FAP: variants seen among roughly 807,000 people sequenced by gnomAD.
FAP encodes the protein fibroblast activation protein alpha.
Under a neutral mutation model 126.5 loss-of-function variants are expected in FAP, and 110 were observed. The observed-to-expected ratio is 0.87, with a 90% CI of 0.74 to 1.02. The LOEUF (loss-of-function observed/expected upper bound fraction) is 1.02. Among genes scored for constraint, FAP ranks in the 50% least tolerant of loss-of-function variants. FAP has a pLI of 0.00. For synonymous variants in FAP, 334 were observed against 297.3 expected, an observed-to-expected ratio of 1.12 and a Z score of -1.27; for missense variants, 919 against 909.2, an observed-to-expected ratio of 1.01 and a Z score of -0.14.
chr2:162,176,452 A>G (rs1165559229), intron 21 of FAP: 3 of 152,258 alleles, frequency 2.0e-5, no homozygotes, highest in Non-Finnish European at 2.9e-5. Flanking sequence ...TTTAATAGGG[A>G]AAAAGTATAT....
intron 2 of FAP, among the ~76,000 whole-genome samples, chr2:162,227,785 G>T (rs1689717072): frequency 6.6e-6 from 1 of 152,078 alleles, no homozygotes; most frequent in Non-Finnish European, 1.5e-5. Context: ...CCACTAACAA[G>T]CCAGTCTTTC....
At chr2:162,240,421 G>A (rs919269673) in intron 2 of FAP, among the ~76,000 whole-genome samples, 19 of 151,982 alleles carry the variant, frequency 1.3e-4, no homozygotes, top group African/African-American at 4.4e-4. Context: ...CTTTCCTTTA[G>A]ACGTGATGTG....
intron 17 of FAP, chr2:162,193,675 C>T (rs1392990049): frequency 1.3e-5 from 2 of 152,054 alleles, no homozygotes; most frequent in African/African-American, 4.8e-5. Flanking sequence ...CCTTATTAGA[C>T]ACAAGGTTTC....
intron 17 of FAP, among the ~76,000 whole-genome samples, chr2:162,194,380 G>A (rs531308014): frequency 1.9e-4 from 28 of 150,160 alleles, no homozygotes; most frequent in Admixed American, 1.0e-3. Context: ...AAGGAAGATC[G>A]TACTGAATGT....
chr2:162,174,717 A>C (rs768756223), intron 22 of FAP, 150 bp downstream of exon 22: 1 of 542,420 alleles, frequency 1.8e-6, no homozygotes, highest in Admixed American at 3.2e-5. Flanking sequence ...GTTTATAATA[A>C]ATGATATAAA....
intron 2 of FAP, among the ~76,000 whole-genome samples, chr2:162,229,025 A>C (rs911028693): frequency 6.6e-5 from 10 of 152,146 alleles, no homozygotes; most frequent in African/African-American, 2.4e-4. Flanking sequence ...ATTTTTTTAA[A>C]GAATGTTTTT....
chr2:162,227,845 C>G (rs957104460), intron 2 of FAP, among the ~76,000 whole-genome samples: 1 of 152,136 alleles, frequency 6.6e-6, no homozygotes, highest in African/African-American at 2.4e-5. Context: ...TTTCTAGTCT[C>G]TCTCCTTTAA....
intron 2 of FAP, among the ~76,000 whole-genome samples, chr2:162,241,386 A>G (rs979835070): frequency 6.6e-6 from 1 of 152,212 alleles, no homozygotes; most frequent in Admixed American, 6.5e-5. Context: ...GATCACACAA[A>G]TATCTGTGTA....
intron 21 of FAP, 51 bp from the exon 22 acceptor site, chr2:162,175,017 C>T (rs1369274337): frequency 2.3e-6 from 3 of 1,315,334 alleles, no homozygotes; most frequent in African/African-American, 1.5e-5. Context: ...CATAAGCTTT[C>T]CTCCATATGT....
At chr2:162,236,021 G>A (rs1178682485) in intron 2 of FAP, among the ~76,000 whole-genome samples, 2 of 152,172 alleles carry the variant, frequency 1.3e-5, no homozygotes, top group African/African-American at 4.8e-5. Context: ...TATCATGAAA[G>A]GGTGCTGCAT....
intron 21 of FAP, 102 bp from the exon 22 acceptor site, chr2:162,175,068 G>A: frequency 1.3e-6 from 1 of 765,948 alleles, no homozygotes; most frequent in Non-Finnish European, 2.2e-6. Flanking sequence ...AAGGGAGCTG[G>A]AGAATATGGC....
intron 9 of FAP, among the ~76,000 whole-genome samples, chr2:162,216,960 T>G (rs1317087882): frequency 6.6e-6 from 1 of 152,230 alleles, no homozygotes; most frequent in Non-Finnish European, 1.5e-5. Context: ...GTTCCCCGTC[T>G]CTTCCTGCTC....
intron 11 of FAP, among the ~76,000 whole-genome samples, chr2:162,211,299 C>T (rs1688923855): frequency 6.6e-6 from 1 of 152,146 alleles, no homozygotes; most frequent in Admixed American, 6.5e-5. Flanking sequence ...CAGAGTGCAC[C>T]ATTCCCCAAC....
chr2:162,220,838 G>A (rs1689358139), intron 6 of FAP, among the ~76,000 whole-genome samples: 1 of 152,168 alleles, frequency 6.6e-6, no homozygotes, highest in African/African-American at 2.4e-5. Flanking sequence ...CTTGAAGATT[G>A]TATTAACAGT....
intron 11 of FAP, among the ~76,000 whole-genome samples, chr2:162,213,200 AC>A (rs965976140): frequency 3.0e-4 from 46 of 151,950 alleles, no homozygotes; most frequent in African/African-American, 8.0e-4. Flanking sequence ...ACATGGTGAA[AC>A]CCCGTGTCTA....
intron 14 of FAP, among the ~76,000 whole-genome samples, chr2:162,201,859 C>T (rs543369138): frequency 2.6e-5 from 4 of 152,234 alleles, no homozygotes; most frequent in African/African-American, 7.2e-5. Context: ...TAGGGACCTC[C>T]GCCTTCAGTT....
In FAP at chr2:162,198,855, C is replaced by T; in HGVS notation, c.1304G>A (p.Ser435Asn). ...YRISIGSYPPSKKCVTCHLRK... is the reference protein window; with the variant it reads ...YRISIGSYPPNKKCVTCHLRK... The stretch of plus-strand genomic sequence containing the variant: ...TAGATGGCAAGTAACACACTTCTTG[C>T]TTGGAGGATAGCTTCCAATGCTAAT... The change falls in exon 16 of 26, where the codon AGC (serine) becomes AAC (asparagine). Residue 435 changes from serine to asparagine, a missense_variant. Physicochemically the swap from Ser to Asn is conservative, Grantham distance 46 (BLOSUM62 1). Coordinates refer to ENST00000188790, the MANE Select transcript of FAP (RefSeq NM_004460.5). The T allele has an allele frequency of 1.9e-6, 3 of 1,613,834 alleles. No homozygotes were observed. The highest frequency in any genetic ancestry group is 2.5e-6 in the Non-Finnish European group (3 of 1,179,782).
intron 2 of FAP, among the ~76,000 whole-genome samples, chr2:162,227,645 A>G (rs557340187): frequency 3.9e-5 from 6 of 152,264 alleles, no homozygotes; most frequent in Admixed American, 3.9e-4. Context: ...ATCCTGCTAT[A>G]AAACTCGTAG....
chr2:162,216,143 G>A (rs1424057286), intron 9 of FAP, 142 bp from the exon 10 acceptor site: 6 of 587,808 alleles, frequency 1.0e-5, no homozygotes, highest in South Asian at 9.3e-5. Context: ...TTTATAACAC[G>A]ACAAGGAATC....
Sources: gnomAD v4.1 joint callset for allele counts (sites outside exome capture counted in the v4.1 genomes callset) on GRCh38, gnomAD v4.1.1 for gene constraint, MANE v1.5 for transcripts, NCBI Gene and HGNC (gene_info 2026-07-23, HGNC 2026-07-21) for gene names.